The following NFXL1 variants were observed in gnomAD, a reference collection of about 807,000 sequenced individuals.
NFXL1 encodes NF-X1-type zinc finger protein NFXL1.
NFXL1 carries 66 observed loss-of-function variants against 123.3 expected under a neutral mutation model. The ratio of observed to expected loss-of-function variants is 0.54; its 90% confidence interval spans 0.44 to 0.66. The LOEUF is 0.66. Ranked by LOEUF, NFXL1 falls within the 30% of genes least tolerant of loss-of-function variation. NFXL1 has a pLI of 0.00. For synonymous variants in NFXL1, 346 were observed against 360.8 expected (o/e 0.96, Z 0.46); for missense variants, 944 against 1,125.6 (o/e 0.84, Z 2.31).
intron 19 of NFXL1, among the ~76,000 whole-genome samples, chr4:47,858,694 G>C (rs960647009): frequency 1.3e-5 from 2 of 152,136 alleles, no homozygotes; most frequent in African/African-American, 4.8e-5. Flanking sequence ...TAAAAGTAAG[G>C]AAAGGATTAC....
At chr4:47,870,407 T>A (rs1735362071) in intron 18 of NFXL1, among the ~76,000 whole-genome samples, 1 of 152,156 alleles carries the variant, frequency 6.6e-6, no homozygotes, top group Admixed American at 6.5e-5. Flanking sequence ...AAACAGAAAT[T>A]GTTGGATACT....
chr4:47,894,177 A>T lies in NFXL1; in HGVS notation c.1452+3T>A, dbSNP rs368101166. On this transcript the variant is annotated splice_donor_region_variant and intron_variant, in intron 11 of 22. Transcript: ENST00000507489. Reference sequence around the variant, plus strand: ...CAGAGGTTTCCAAGGTTAATACACAAACCTTTCTTCTACATTGATGCTTCT... The same window carrying T: ...CAGAGGTTTCCAAGGTTAATACACATACCTTTCTTCTACATTGATGCTTCT... 6.3e-7 allele frequency: 1 copy of T among 1,593,748 alleles called. No individual in the cohort carries two copies. The highest frequency in any genetic ancestry group is 8.5e-7 in the Non-Finnish European group (1 of 1,170,842).
At chr4:47,909,849 C>T (rs1214010768) in intron 3 of NFXL1, among the ~76,000 whole-genome samples, 7 of 151,950 alleles carry the variant, frequency 4.6e-5, no homozygotes, top group Admixed American at 2.0e-4. Context: ...TTAGTAGAGA[C>T]GGGGTTTCAC....
rs375257033 is a variant in NFXL1, at chr4:47,884,401, G to A, written c.1861C>T (p.Pro621Ser). 1.4e-5 allele frequency: 22 copies of A among 1,611,428 alleles called. No individual in the cohort carries two copies. Among genetic ancestry groups the A allele is most frequent in the Non-Finnish European group, 1.9e-5 (22 of 1,178,052 alleles). ...GGTAATGCAGTCTGAATAAATGCTG[G>A]CTCAGAAGGCTGTTCCCAAGGGCCT... is the stretch of plus-strand genomic sequence containing the variant. ...PTGPWEQPSE[P>S]AFIQTALPCP... The change falls in exon 15 of 23, where the codon CCA (proline) becomes TCA (serine). Residue 621 changes from proline (P) to serine (S), a missense_variant. By Grantham distance (74) the Pro-to-Ser change is moderately conservative. Transcript: ENST00000507489.
intron 15 of NFXL1, among the ~76,000 whole-genome samples, chr4:47,879,834 T>G (rs959212279): frequency 1.3e-5 from 2 of 152,126 alleles, no homozygotes; most frequent in African/African-American, 4.8e-5. Context: ...AGGAAATTCT[T>G]TTCAATAAAT....
intron 20 of NFXL1, among the ~76,000 whole-genome samples, chr4:47,853,146 T>C (rs1470363964): frequency 6.6e-6 from 1 of 152,108 alleles, no homozygotes; most frequent in East Asian, 1.9e-4. Context: ...TTTTATCTTT[T>C]CTCATTCAGA....
At chr4:47,848,989 A>G (rs1392709575) in intron 22 of NFXL1, among the ~76,000 whole-genome samples, 1 of 152,188 alleles carries the variant, frequency 6.6e-6, no homozygotes, top group Non-Finnish European at 1.5e-5. Context: ...ATTATACTTC[A>G]ACCCAATTAT....
Position 47,877,602 on chromosome 4 carries a change from T to A in NFXL1, c.2079+923A>T, listed in dbSNP as rs1007629072. Among the ~76,000 whole-genome samples the A allele has an allele frequency of 1.3e-5, 2 of 151,282 alleles. 1 individual carries two copies. Among genetic ancestry groups the A allele is most frequent in the Non-Finnish European group, 3.0e-5 (2 of 67,460 alleles). ...TTTGATTTTATAATTCTAGCATCTT[T>A]TTTGTTTTATCATGAGTACATTTTT... On this transcript the variant is annotated intron_variant, in intron 17 of 22. Transcript: ENST00000507489.
At chr4:47,875,536 A>G (rs1735693088) in intron 17 of NFXL1, among the ~76,000 whole-genome samples, 1 of 152,174 alleles carries the variant, frequency 6.6e-6, no homozygotes, top group South Asian at 2.1e-4. Flanking sequence ...CATTAAGTCA[A>G]ACTGCCTCAT....
intron 18 of NFXL1, among the ~76,000 whole-genome samples, chr4:47,869,056 T>C (rs750165481): frequency 3.9e-5 from 6 of 152,032 alleles, no homozygotes; most frequent in Non-Finnish European, 7.4e-5. Flanking sequence ...ACCACAACTC[T>C]ACAAAAAGTT....
chr4:47,867,418 G>C (rs1054088554), intron 18 of NFXL1, among the ~76,000 whole-genome samples: 1 of 151,782 alleles, frequency 6.6e-6, no homozygotes, highest in Non-Finnish European at 1.5e-5. Context: ...TATCAAAGAA[G>C]TAATTGAGTG....
Position 47,878,642 on chromosome 4 carries a change from A to G in NFXL1, c.1962T>C (p.Ala654=), listed in dbSNP as rs760314899. The change falls in exon 17 of 23, where the codon GCT becomes GCC. Residue 654 remains alanine (A), a synonymous_variant. Coordinates refer to ENST00000507489, the MANE Select transcript of NFXL1 (RefSeq NM_001278624.2). Reference sequence around the variant, plus strand: ...CTCTTTTACAAGAGTAGGGTCCTACAGCATGGCATGGTAGTGGACTCACCT... The same window carrying G: ...CTCTTTTACAAGAGTAGGGTCCTACGGCATGGCATGGTAGTGGACTCACCT... ...KHEVSPLPCH[A]VGPYSCKRVC... The G allele has an allele frequency of 6.3e-7, 1 of 1,596,502 alleles. No individual in the cohort carries two copies. The highest frequency in any genetic ancestry group is 1.7e-4 in the Middle Eastern group (1 of 5,968).
At chr4:47,885,445 G>A in intron 14 of NFXL1, 53 bp downstream of exon 14, 1 of 1,438,054 alleles carries the variant, frequency 7.0e-7, no homozygotes, top group Non-Finnish European at 9.6e-7. Context: ...GTAAAAGCAA[G>A]AAAGTACAAC....
chr4:47,853,647 G>A (rs1457535184), intron 20 of NFXL1, among the ~76,000 whole-genome samples: 1 of 151,924 alleles, frequency 6.6e-6, no homozygotes, highest in Non-Finnish European at 1.5e-5. Context: ...TTTTACACAG[G>A]AAAAAAATAT....
At chr4:47,867,610 C>T (rs1262507643) in intron 18 of NFXL1, among the ~76,000 whole-genome samples, 1 of 151,540 alleles carries the variant, frequency 6.6e-6, no homozygotes, top group South Asian at 2.1e-4. Flanking sequence ...AACCCTGAGT[C>T]GTACCTTAAT....
chr4:47,906,797 TA>T (rs750927140), intron 3 of NFXL1, among the ~76,000 whole-genome samples: 1 of 152,224 alleles, frequency 6.6e-6, no homozygotes, highest in Non-Finnish European at 1.5e-5. Flanking sequence ...AAACATGTAT[TA>T]AAGTTTGGCT....
chr4:47,913,950 G>A lies in NFXL1; in HGVS notation c.235+19C>T, dbSNP rs1442144567. The A allele has an allele frequency of 6.6e-7, 1 of 1,522,514 alleles. No homozygotes were observed. Among genetic ancestry groups the A allele is most frequent in the East Asian group, 2.5e-5 (1 of 40,450 alleles). 94.3% of individuals were successfully genotyped at this position (1,522,514 alleles called of 1,614,324 possible). On this transcript the variant is annotated intron_variant, in intron 2 of 22. Coordinates refer to ENST00000507489, the MANE Select transcript of NFXL1 (RefSeq NM_001278624.2). Reference sequence around the variant, plus strand: ...TTAGGAGGCATCCAGGTGAGCACGCGGGCGGGAGCCATTCTCACCGCTGGC... The same window carrying A: ...TTAGGAGGCATCCAGGTGAGCACGCAGGCGGGAGCCATTCTCACCGCTGGC...
chr4:47,906,434 G>A (rs1737566326), intron 3 of NFXL1, among the ~76,000 whole-genome samples: 1 of 152,054 alleles, frequency 6.6e-6, no homozygotes, highest in African/African-American at 2.4e-5. Flanking sequence ...AATCATCTGA[G>A]TAAACACGGC....
chr4:47,875,949 G>A (rs1735724381), intron 17 of NFXL1, among the ~76,000 whole-genome samples: 1 of 152,006 alleles, frequency 6.6e-6, no homozygotes, highest in Admixed American at 6.6e-5. Flanking sequence ...ACTAAAGAAG[G>A]TTAAAAATAC....
Sources: gnomAD v4.1 joint callset for allele counts (sites outside exome capture counted in the v4.1 genomes callset) on GRCh38, gnomAD v4.1.1 for gene constraint, MANE v1.5 for transcripts, NCBI Gene and HGNC (gene_info 2026-07-23, HGNC 2026-07-21) for gene names.